The following CWC27 variants were observed in gnomAD, a reference collection of about 807,000 sequenced individuals.
CWC27 encodes spliceosome-associated protein CWC27 homolog.
Under a neutral mutation model 63.6 loss-of-function variants are expected in CWC27, and 47 were observed. That is an observed-to-expected ratio of 0.74 (90% CI 0.58 to 0.94). CWC27 has a LOEUF of 0.94. Among genes scored for constraint, CWC27 ranks in the 40% least tolerant of loss-of-function variants. The pLI is 0.00. For missense variants in CWC27, 495 were observed against 554.3 expected (o/e 0.89, Z 1.07); for synonymous variants, 175 against 179.8 (o/e 0.97, Z 0.22).
At chr5:64,979,799 A>C (rs1749301057) in intron 13 of CWC27, among the ~76,000 whole-genome samples, 1 of 152,180 alleles carries the variant, frequency 6.6e-6, no homozygotes, top group South Asian at 2.1e-4. Context: ...GTGGCCACAC[A>C]TTGAGGGATC....
At chr5:64,805,592 C>T (rs183228818) in intron 10 of CWC27, among the ~76,000 whole-genome samples, 1 of 151,604 alleles carries the variant, frequency 6.6e-6, no homozygotes, top group African/African-American at 2.4e-5. Flanking sequence ...TATAATGTAA[C>T]AAAAATATAT....
chr5:65,004,861 C>CATAT (rs1170127729), intron 13 of CWC27, among the ~76,000 whole-genome samples: 498 of 45,270 alleles, frequency 0.011, 6 homozygotes, highest in Middle Eastern at 0.025. Flanking sequence ...AAGACTTTTT[C>CATAT]ATATATATAT....
intron 13 of CWC27, among the ~76,000 whole-genome samples, chr5:65,009,253 C>T (rs1749903185): frequency 6.6e-6 from 1 of 152,122 alleles, no homozygotes; most frequent in Non-Finnish European, 1.5e-5. Flanking sequence ...TTCATTACCA[C>T]AAGATCAGCA....
chr5:64,911,730 T>G (rs1335386911), intron 11 of CWC27, among the ~76,000 whole-genome samples: 1 of 152,150 alleles, frequency 6.6e-6, no homozygotes, highest in African/African-American at 2.4e-5. Context: ...TATATCTCAC[T>G]TTGGGTCTGG....
At chr5:64,947,922 A>C (rs1390672495) in intron 11 of CWC27, among the ~76,000 whole-genome samples, 2 of 152,074 alleles carry the variant, frequency 1.3e-5, no homozygotes, top group African/African-American at 4.8e-5. Context: ...AGTTGTGTCA[A>C]ATCAGAAAAG....
Position 64,799,602 on chromosome 5 carries a change from A to ATATATATATG in CWC27, c.670-646_670-645insTATATATATG, listed in dbSNP as rs143997810. On this transcript the variant is annotated intron_variant, in intron 7 of 13. Transcript: ENST00000381070. ...TCCATCTCAAAATATATATATATATACTTAATAGCAGCAGTAGTTGTTGTT... is the reference window on the plus strand; with the variant it reads ...TCCATCTCAAAATATATATATATATATATATATATGCTTAATAGCAGCAGTAGTTGTTGTT... 2.3e-4 allele frequency among the ~76,000 whole-genome samples: 31 copies of ATATATATATG among 132,886 alleles called. 2 individuals are homozygous for ATATATATATG. The highest frequency in any genetic ancestry group is 7.0e-4 in the African/African-American group (24 of 34,328). The allele number at this position is 132,886 out of a possible 152,430, so 87.2% of individuals were successfully genotyped here.
At chr5:64,982,205 C>T (rs1240451917) in intron 13 of CWC27, among the ~76,000 whole-genome samples, 2 of 152,184 alleles carry the variant, frequency 1.3e-5, no homozygotes, top group African/African-American at 2.4e-5. Flanking sequence ...CATGAAAGAA[C>T]ATAGCTTCAT....
intron 11 of CWC27, among the ~76,000 whole-genome samples, chr5:64,945,403 G>C (rs978590094): frequency 6.6e-6 from 1 of 152,138 alleles, no homozygotes; most frequent in African/African-American, 2.4e-5. Context: ...ACCAATGAAA[G>C]ATGAACTCTA....
intron 13 of CWC27, among the ~76,000 whole-genome samples, chr5:64,999,715 C>T (rs776824394): frequency 2.7e-4 from 41 of 151,998 alleles, no homozygotes; most frequent in Non-Finnish European, 1.3e-4. Context: ...ATATGTACCA[C>T]GTTTTCTTTA....
At chr5:64,769,726 G>GTAC (rs948869907) in intron 1 of CWC27, among the ~76,000 whole-genome samples, 5 of 152,272 alleles carry the variant, frequency 3.3e-5, no homozygotes, top group Non-Finnish European at 5.9e-5. Context: ...TGCTATGGCG[G>GTAC]TACTGAGTAG....
chr5:64,838,210 C>G (rs1745707496), intron 10 of CWC27, among the ~76,000 whole-genome samples: 1 of 152,104 alleles, frequency 6.6e-6, no homozygotes, highest in Non-Finnish European at 1.5e-5. Context: ...TATACACATA[C>G]ATATGTACAT....
chr5:64,845,329 C>T (rs1381086979), intron 10 of CWC27, among the ~76,000 whole-genome samples: 1 of 152,076 alleles, frequency 6.6e-6, no homozygotes, highest in African/African-American at 2.4e-5. Flanking sequence ...ACAAGAACTA[C>T]AAAGAACAAA....
At chr5:64,908,268 G>A (rs931184744) in intron 11 of CWC27, among the ~76,000 whole-genome samples, 2 of 152,126 alleles carry the variant, frequency 1.3e-5, no homozygotes, top group African/African-American at 4.8e-5. Flanking sequence ...TGTGATTTCT[G>A]TTCTTTTACA....
chr5:64,793,779 G>A (rs1274034114), intron 7 of CWC27, among the ~76,000 whole-genome samples: 1 of 152,018 alleles, frequency 6.6e-6, no homozygotes, highest in Non-Finnish European at 1.5e-5. Flanking sequence ...TTTTTTCAGT[G>A]ACTGCACAGT....
chr5:64,938,997 G>A (rs1166069162), intron 11 of CWC27, among the ~76,000 whole-genome samples: 1 of 152,086 alleles, frequency 6.6e-6, no homozygotes, highest in Non-Finnish European at 1.5e-5. Context: ...ATTCTAGTTA[G>A]CAATTCTTCT....
At chr5:64,969,326 T>C (rs1409348949) in intron 11 of CWC27, among the ~76,000 whole-genome samples, 1 of 152,192 alleles carries the variant, frequency 6.6e-6, no homozygotes, top group African/African-American at 2.4e-5. Flanking sequence ...TTTGCATTTT[T>C]TTAACCATAA....
At chr5:64,832,666 AC>A (rs147017799) in intron 10 of CWC27, among the ~76,000 whole-genome samples, 32 of 151,844 alleles carry the variant, frequency 2.1e-4, no homozygotes, top group African/African-American at 7.2e-4. Flanking sequence ...TATTTTTTTT[AC>A]TGCTTCATCA....
chr5:64,893,248 T>C (rs772966607), intron 11 of CWC27, among the ~76,000 whole-genome samples: 2 of 152,258 alleles, frequency 1.3e-5, no homozygotes, highest in Non-Finnish European at 2.9e-5. Flanking sequence ...TTAAGTAAGA[T>C]GTTTTCCTTT....
chr5:64,870,859 T>C (rs1746655411), intron 10 of CWC27, among the ~76,000 whole-genome samples: 1 of 152,158 alleles, frequency 6.6e-6, no homozygotes, highest in South Asian at 2.1e-4. Flanking sequence ...TACAATTTTA[T>C]ATAAACTGAA....
Sources: allele counts gnomAD v4.1 joint callset (sites outside exome capture counted in the v4.1 genomes callset), GRCh38; gene constraint gnomAD v4.1.1; transcripts MANE v1.5; gene names NCBI Gene and HGNC (gene_info 2026-07-23, HGNC 2026-07-21).